The following DENND2B variants were observed in gnomAD, a reference collection of about 807,000 sequenced individuals.
DENND2B encodes the protein DENN domain containing 2B, also known as DENN domain-containing protein 2B.
Under a neutral mutation model 116.0 loss-of-function variants are expected in DENND2B, and 32 were observed. The observed-to-expected ratio is 0.28, with a 90% CI of 0.21 to 0.37. The LOEUF (loss-of-function observed/expected upper bound fraction) is 0.37, where lower values mean the gene tolerates loss of function less well. DENND2B is among the 10% of genes least tolerant of loss of function. DENND2B has a pLI of 1.00. For synonymous variants in DENND2B, 588 were observed against 583.9 expected, an observed-to-expected ratio of 1.01 and a Z score of -0.10; for missense variants, 1,276 against 1,477.7, an observed-to-expected ratio of 0.86 and a Z score of 2.24.
chr11:8,750,750 G>A, intron 1 of DENND2B, 25 bp from the exon 2 acceptor site: 1 of 1,610,832 alleles, frequency 6.2e-7, no homozygotes, highest in Non-Finnish European at 8.5e-7. Flanking sequence ...ATGCCGGTAA[G>A]CCAAGTTTCT....
chr11:8,732,644 GA>G (rs2048313059), intron 2 of DENND2B, among the ~76,000 whole-genome samples: 1 of 152,208 alleles, frequency 6.6e-6, no homozygotes, highest in Admixed American at 6.5e-5. Context: ...AGAGCAAAAG[GA>G]AGGGAAAGGT....
chr11:8,701,353 G>GGC (rs2041605349), intron 14 of DENND2B, among the ~76,000 whole-genome samples: 1 of 89,694 alleles, frequency 1.1e-5, no homozygotes, highest in Non-Finnish European at 2.1e-5. Flanking sequence ...CCGGGGGGGG[G>GGC]GGGGGGAGGG....
At chr11:8,734,617 G>A (rs947400395) in intron 2 of DENND2B, among the ~76,000 whole-genome samples, 1 of 151,888 alleles carries the variant, frequency 6.6e-6, no homozygotes, top group Non-Finnish European at 1.5e-5. Flanking sequence ...GCGAAACCCA[G>A]TCTCTACTAA....
intron 2 of DENND2B, among the ~76,000 whole-genome samples, chr11:8,857,818 T>C (rs2063247622): frequency 6.6e-6 from 1 of 152,222 alleles, no homozygotes; most frequent in African/African-American, 2.4e-5. Flanking sequence ...CTCTCTGGGC[T>C]CAGTTTCCTG....
At chr11:8,862,003 G>T (rs1169425839) in intron 2 of DENND2B, among the ~76,000 whole-genome samples, 1 of 141,662 alleles carries the variant, frequency 7.1e-6, no homozygotes, top group Non-Finnish European at 1.6e-5. Context: ...ATATCGAGTG[G>T]TATAATGGAT....
At chr11:8,842,364 G>A (rs1344802390) in intron 3 of DENND2B, among the ~76,000 whole-genome samples, 1 of 152,140 alleles carries the variant, frequency 6.6e-6, no homozygotes, top group Non-Finnish European at 1.5e-5. Context: ...CCTCTCTTAG[G>A]AAAGGCCCAG....
intron 4 of DENND2B, among the ~76,000 whole-genome samples, chr11:8,722,701 A>G (rs939470635): frequency 1.3e-5 from 2 of 152,164 alleles, no homozygotes; most frequent in African/African-American, 4.8e-5. Context: ...TTGGGCTGCT[A>G]TGGGGACATA....
chr11:8,833,267 G>C (rs2062289015), intron 4 of DENND2B, among the ~76,000 whole-genome samples: 1 of 152,206 alleles, frequency 6.6e-6, no homozygotes, highest in Admixed American at 6.5e-5. Context: ...TCTAGGATAA[G>C]CACAGGAGAA....
rs956328255 is a variant in DENND2B at position 8,707,508 on chromosome 11, C to T, written c.2430+269G>A. Among the ~76,000 whole-genome samples, 4 of 152,278 alleles carry T rather than the reference C, an allele frequency of 2.6e-5. No homozygotes were observed. ...AGCTCCCTGGGCGCTCCTGCTTCCC[C>T]AAGGACTCTGGCTCTGCCTAGGGCC... is the stretch of plus-strand genomic sequence containing the variant. On this transcript the variant is annotated intron_variant, in intron 12 of 19. Coordinates refer to ENST00000313726, the MANE Select transcript of DENND2B (RefSeq NM_213618.2). The surrounding 1 kb of genome is among the most constrained non-coding windows in gnomAD (Gnocchi z 4.8).
intron 1 of DENND2B, among the ~76,000 whole-genome samples, chr11:8,887,037 A>C (rs2134736550): frequency 6.6e-6 from 1 of 152,286 alleles, no homozygotes; most frequent in Admixed American, 6.5e-5. Flanking sequence ...CATGTTGGTC[A>C]GGCTGGTTTT....
intron 3 of DENND2B, among the ~76,000 whole-genome samples, chr11:8,728,183 T>C (rs1279388467): frequency 6.6e-6 from 1 of 152,150 alleles, no homozygotes; most frequent in Non-Finnish European, 1.5e-5. Flanking sequence ...TTTAAATTTT[T>C]TGTAGAGATG....
intron 1 of DENND2B, among the ~76,000 whole-genome samples, chr11:8,891,670 C>G (rs10840143): frequency 0.9 from 136,501 of 152,038 alleles, 63,073 homozygotes; most frequent in East Asian, 1. Context: ...GTAAAGGGAT[C>G]AATTCAACAA....
intron 4 of DENND2B, chr11:8,718,494 C>T (rs1462477265): frequency 2.6e-5 from 39 of 1,472,968 alleles, no homozygotes; most frequent in Admixed American, 8.9e-5. Context: ...AACCTCGGAA[C>T]GGAACAGTGA....
intron 3 of DENND2B, among the ~76,000 whole-genome samples, chr11:8,841,993 C>CTG (rs2062640157): frequency 6.6e-6 from 1 of 152,184 alleles, no homozygotes; most frequent in Non-Finnish European, 1.5e-5. Context: ...CACAAGGCGG[C>CTG]ATCACAAAGT....
At chr11:8,903,752 G>C (rs939256978) in intron 1 of DENND2B, among the ~76,000 whole-genome samples, 1 of 151,868 alleles carries the variant, frequency 6.6e-6, no homozygotes, top group Non-Finnish European at 1.5e-5. Flanking sequence ...TGGGCCTAGT[G>C]GTGATGCATG....
chr11:8,851,823 T>G (rs563720500), intron 3 of DENND2B, among the ~76,000 whole-genome samples: 15 of 152,334 alleles, frequency 9.8e-5, no homozygotes, highest in Admixed American at 3.3e-4. Flanking sequence ...TCATATATAT[T>G]TTGGTATATA....
intron 1 of DENND2B, among the ~76,000 whole-genome samples, chr11:8,772,772 C>T (rs1351207146): frequency 6.6e-6 from 1 of 152,138 alleles, no homozygotes; most frequent in East Asian, 1.9e-4. Flanking sequence ...GCCTCAAGGG[C>T]ATCTCCCTCC....
At chr11:8,844,747 T>C (rs926033462) in intron 3 of DENND2B, among the ~76,000 whole-genome samples, 1 of 94,370 alleles carries the variant, frequency 1.1e-5, no homozygotes, top group Non-Finnish European at 2.3e-5. Context: ...ATTTTATTTT[T>C]TTTTAGAGAC....
chr11:8,901,856 T>C (rs2064174941), intron 1 of DENND2B, among the ~76,000 whole-genome samples: 1 of 152,200 alleles, frequency 6.6e-6, no homozygotes, highest in Admixed American at 6.5e-5. Context: ...TTAAATTCAT[T>C]GAGACTTGTT....
Sources: gnomAD v4.1 joint callset for allele counts (sites outside exome capture counted in the v4.1 genomes callset) on GRCh38, gnomAD v4.1.1 for gene constraint, Gnocchi (gnomAD v3.1) non-coding constraint, MANE v1.5 for transcripts, NCBI Gene and HGNC (gene_info 2026-07-23, HGNC 2026-07-21) for gene names.